The following CCDC57 variants were observed in gnomAD, a reference collection of about 807,000 sequenced individuals.
CCDC57 encodes coiled-coil domain containing 57, also known as coiled-coil domain-containing protein 57.
A neutral mutation model predicts 118.9 loss-of-function variants in CCDC57; 118 were observed. The observed-to-expected ratio is 0.99, with a 90% CI of 0.86 to 1.16. The LOEUF (loss-of-function observed/expected upper bound fraction) is 1.16. Ranked by LOEUF, CCDC57 falls within the 50% of genes most tolerant of loss-of-function variation. The pLI is 0.00. For synonymous variants in CCDC57, 527 were observed against 532.9 expected, an observed-to-expected ratio of 0.99 and a Z score of 0.15; for missense variants, 1,300 against 1,320.7, an observed-to-expected ratio of 0.98 and a Z score of 0.24.
Position 82,172,973 on chromosome 17 carries a change from G to T in CCDC57, c.1507-113C>A. The T allele has an allele frequency of 2.2e-6, 2 of 927,860 alleles. No homozygotes were observed. Among genetic ancestry groups the T allele is most frequent in the Non-Finnish European group, 3.4e-6 (2 of 593,440 alleles). 57.5% of individuals were successfully genotyped at this position (927,860 alleles called of 1,614,324 possible). ...CCTCTCGGGCCGGTCCCCCGCTTCA[G>T]CTTGGGCTGTGGTCCCTCCCCATCC... On this transcript the variant is annotated intron_variant, in intron 11 of 19. Coordinates refer to ENST00000665763, the Ensembl canonical transcript of CCDC57. The surrounding 1 kb of genome is among the most constrained non-coding windows in gnomAD (Gnocchi z 5.2).
intron 8 of CCDC57, 78 bp downstream of exon 7, chr17:82,188,141 G>A (rs2047203703): frequency 7.8e-7 from 1 of 1,281,662 alleles, no homozygotes; most frequent in Non-Finnish European, 1.0e-6. Flanking sequence ...CCTGTGGTCT[G>A]GCACCAGTGG....
chr17:82,136,836 G>A (rs573233574), intron 16 of CCDC57, among the ~76,000 whole-genome samples: 1 of 152,162 alleles, frequency 6.6e-6, no homozygotes, highest in South Asian at 2.1e-4. Context: ...TCCTCCCTTG[G>A]CCTCCCAAAG....
At chr17:82,185,900 C>A (rs1271456691) in intron 8 of CCDC57, among the ~76,000 whole-genome samples, 1 of 152,122 alleles carries the variant, frequency 6.6e-6, no homozygotes, top group Non-Finnish European at 1.5e-5. Flanking sequence ...ATGGCTGTCA[C>A]TTATTTCTAT....
intron 16 of CCDC57, among the ~76,000 whole-genome samples, chr17:82,140,696 C>A (rs2039895787): frequency 6.6e-6 from 1 of 152,212 alleles, no homozygotes; most frequent in Non-Finnish European, 1.5e-5. Flanking sequence ...AAGGCCAAAT[C>A]TGAGAAGACG....
At chr17:82,143,910 C>A (rs2040361780) in intron 16 of CCDC57, among the ~76,000 whole-genome samples, 1 of 148,762 alleles carries the variant, frequency 6.7e-6, no homozygotes, top group African/African-American at 2.5e-5. Flanking sequence ...ACCAGCCTGG[C>A]CAACATGGTG....
exon 13 of CCDC57, chr17:82,171,741 A>T: frequency 6.2e-7 from 1 of 1,613,726 alleles, no homozygotes; most frequent in Non-Finnish European, 8.5e-7. Flanking sequence ...GCTGAGACTC[A>T]GCATGAGGTG....
At chr17:82,129,622 C>T (rs1434250127) in intron 17 of CCDC57, among the ~76,000 whole-genome samples, 1 of 152,198 alleles carries the variant, frequency 6.6e-6, no homozygotes, top group South Asian at 2.1e-4. Flanking sequence ...TGCTCACTGC[C>T]CCCCGGGCTT....
At chr17:82,105,972 G>GCTC (rs2034818139) in intron 19 of CCDC57, among the ~76,000 whole-genome samples, 1 of 152,234 alleles carries the variant, frequency 6.6e-6, no homozygotes, top group African/African-American at 2.4e-5. Flanking sequence ...TTGGAGCAGA[G>GCTC]GAGAGGTGGG....
intron 13 of CCDC57, among the ~76,000 whole-genome samples, chr17:82,165,491 A>G (rs1487951627): frequency 6.6e-6 from 1 of 151,932 alleles, no homozygotes. Flanking sequence ...TCAGACCAAA[A>G]AAAAAAAAGG....
chr17:82,113,086 C>A, intron 19 of CCDC57: 1 of 419,352 alleles, frequency 2.4e-6, no homozygotes, highest in Non-Finnish European at 4.2e-6. Flanking sequence ...AGTTACTTTC[C>A]TAAGTGGCAG....
intron 16 of CCDC57, 47 bp from the exon 16 acceptor site, chr17:82,134,241 G>A: frequency 7.9e-7 from 1 of 1,271,908 alleles, no homozygotes; most frequent in Non-Finnish European, 1.0e-6. Flanking sequence ...CATCACTTCT[G>A]GATTCCTCTT....
intron 11 of CCDC57, chr17:82,175,767 A>C (rs566747046): frequency 6.6e-6 from 1 of 152,260 alleles, no homozygotes; most frequent in African/African-American, 2.4e-5. Context: ...TGGCAAAATA[A>C]ACCTTCTAAA....
exon 15 of CCDC57, chr17:82,157,925 C>T (rs778553453): frequency 3.2e-6 from 5 of 1,558,514 alleles, no homozygotes; most frequent in East Asian, 4.8e-5. Flanking sequence ...GGAGAGCGGC[C>T]GGCTCCAGGG....
At chr17:82,127,646 G>T in intron 19 of CCDC57, 46 bp downstream of exon 18, 1 of 1,544,556 alleles carries the variant, frequency 6.5e-7, no homozygotes, top group East Asian at 2.4e-5. Flanking sequence ...GGTGGCCCTC[G>T]CCAGCTGCCA....
At chr17:82,167,904 C>T (rs556919884) in intron 13 of CCDC57, among the ~76,000 whole-genome samples, 6 of 152,354 alleles carry the variant, frequency 3.9e-5, no homozygotes, top group African/African-American at 1.4e-4. Flanking sequence ...GCATGAGCCA[C>T]GGCGCCCGGC....
chr17:82,175,039 G>A (rs1397315652), intron 11 of CCDC57, among the ~76,000 whole-genome samples: 4 of 152,230 alleles, frequency 2.6e-5, no homozygotes, highest in Non-Finnish European at 5.9e-5. Flanking sequence ...TCACAATGGC[G>A]AACAACATGA....
At chr17:82,175,093 C>T (rs1009721715) in intron 11 of CCDC57, among the ~76,000 whole-genome samples, 2 of 152,172 alleles carry the variant, frequency 1.3e-5, no homozygotes, top group African/African-American at 2.4e-5. Context: ...ATGGTGTGGC[C>T]GCTTGATAAA....
At chr17:82,133,964 T>C (rs1568208057) in intron 17 of CCDC57, 109 bp downstream of exon 16, 11 of 1,088,348 alleles carry the variant, frequency 1.0e-5, no homozygotes, top group Non-Finnish European at 1.2e-5. Flanking sequence ...ATCCTGAAAA[T>C]TGGAGGCTTT....
At position 82,118,778 on chromosome 17, in the gene CCDC57, T is replaced by C. The variant is rs1226060694; in HGVS notation, c.2899+8914A>G. On this transcript the variant is annotated intron_variant, in intron 19 of 19. Transcript: ENST00000665763. The surrounding 1 kb of genome is among the most constrained non-coding windows in gnomAD (Gnocchi z 4.7). ...ACTTTTGTTGTGCTGCTGAAGAATA[T>C]CTTTCCAGTTTGATGATTTTTCAGG... 1.3e-5 allele frequency among the ~76,000 whole-genome samples: 2 copies of C among 152,070 alleles called. No individual in the cohort carries two copies. Among genetic ancestry groups the C allele is most frequent in the Admixed American group, 6.6e-5 (1 of 15,262 alleles).
Sources: allele counts gnomAD v4.1 joint callset (sites outside exome capture counted in the v4.1 genomes callset), GRCh38; gene constraint gnomAD v4.1.1; non-coding constraint Gnocchi (gnomAD v3.1); transcripts MANE v1.5; gene names NCBI Gene and HGNC (gene_info 2026-07-23, HGNC 2026-07-21).